The following FAM193A variants were observed in gnomAD, a reference collection of about 807,000 sequenced individuals.
FAM193A encodes family with sequence similarity 193 member A, also known as protein FAM193A.
FAM193A carries 22 observed loss-of-function variants against 126.5 expected under a neutral mutation model. That is an observed-to-expected ratio of 0.17 (90% CI 0.12 to 0.25). FAM193A has a LOEUF of 0.25. FAM193A is among the 10% of genes least tolerant of loss of function. The pLI is 1.00. For synonymous variants in FAM193A, 761 were observed against 646.8 expected (o/e 1.18, Z -2.68); for missense variants, 1,675 against 1,672.8 (o/e 1.00, Z -0.02).
intron 20 of FAM193A, chr4:2,719,956 ATT>A (rs758113607): frequency 4.8e-5 from 14 of 290,822 alleles, no homozygotes; most frequent in Admixed American, 1.2e-4. Flanking sequence ...TGCCTGGCTA[ATT>A]TTTTTTTTCT....
At chr4:2,647,696 CT>C (rs1745290238) in intron 7 of FAM193A, among the ~76,000 whole-genome samples, 1 of 152,244 alleles carries the variant, frequency 6.6e-6, no homozygotes, top group Non-Finnish European at 1.5e-5. Context: ...CTTCCCACCC[CT>C]GGCCTGCCTG....
chr4:2,611,967 G>A (rs899960476), intron 2 of FAM193A, among the ~76,000 whole-genome samples: 3 of 151,294 alleles, frequency 2.0e-5, no homozygotes, highest in Non-Finnish European at 2.9e-5. Context: ...CTCCCAAGTA[G>A]CTGGGACTAC....
Position 2,596,294 on chromosome 4 carries a change from AAGG to A in FAM193A, c.472_474del (p.Glu158del), listed in dbSNP as rs1454031237. 1.4e-6 allele frequency: 1 copy of A among 702,880 alleles called. No homozygotes were observed. The highest frequency in any genetic ancestry group is 2.3e-4 in the Middle Eastern group (1 of 4,264). The allele number at this position is 702,880 out of a possible 1,614,324, so 43.5% of individuals were successfully genotyped here. On this transcript the variant is annotated inframe_deletion, in exon 2 of 21. Coordinates refer to ENST00000637812, the MANE Select transcript of FAM193A (RefSeq NM_001366318.2). ...CCCGGACTGCCGCAGGACCGTGGAGAAGGAGGAGAGGCATGGCGGCCTTGACCA... is the reference window on the plus strand; with the variant it reads ...CCCGGACTGCCGCAGGACCGTGGAGAAGGAGAGGCATGGCGGCCTTGACCA...
intron 8 of FAM193A, 107 bp from the exon 9 acceptor site, chr4:2,659,451 A>C: frequency 1.3e-6 from 1 of 764,014 alleles, no homozygotes; most frequent in Non-Finnish European, 2.2e-6. Flanking sequence ...CCGCTGAGGA[A>C]GCAGTGCCCG....
intron 7 of FAM193A, among the ~76,000 whole-genome samples, chr4:2,648,417 G>C (rs1038261560): frequency 6.6e-6 from 1 of 152,204 alleles, no homozygotes; most frequent in Non-Finnish European, 1.5e-5. Flanking sequence ...CCTCATGGTG[G>C]GGCCTGAGAG....
chr4:2,603,193 C>T (rs1255984773), intron 2 of FAM193A, among the ~76,000 whole-genome samples: 7 of 149,778 alleles, frequency 4.7e-5, no homozygotes, highest in Non-Finnish European at 1.5e-5. Context: ...CGGGGTTTCA[C>T]CGTGTTAGCC....
intron 12 of FAM193A, among the ~76,000 whole-genome samples, chr4:2,671,842 A>T (rs1713832171): frequency 6.6e-6 from 1 of 152,202 alleles, no homozygotes; most frequent in Non-Finnish European, 1.5e-5. Flanking sequence ...ATGTGGGAAG[A>T]GAGATTTTCT....
At chr4:2,690,480 G>A (rs919559546) in intron 14 of FAM193A, among the ~76,000 whole-genome samples, 27 of 152,220 alleles carry the variant, frequency 1.8e-4, no homozygotes, top group African/African-American at 6.0e-4. Flanking sequence ...AAGACTTTAC[G>A]TAACTTTGGA....
At chr4:2,705,240 C>G (rs772565931) in intron 19 of FAM193A, among the ~76,000 whole-genome samples, 2 of 152,128 alleles carry the variant, frequency 1.3e-5, no homozygotes, top group African/African-American at 4.8e-5. Context: ...GGGACATTAG[C>G]CTTTTACTCA....
intron 13 of FAM193A, among the ~76,000 whole-genome samples, chr4:2,675,142 G>A (rs1420397646): frequency 6.6e-6 from 1 of 152,066 alleles, no homozygotes; most frequent in Non-Finnish European, 1.5e-5. Context: ...GTTTATTAAG[G>A]TATGTTTTAT....
At chr4:2,649,393 C>T (rs1485807769) in intron 7 of FAM193A, among the ~76,000 whole-genome samples, 1 of 144,124 alleles carries the variant, frequency 6.9e-6, no homozygotes, top group African/African-American at 2.6e-5. Context: ...AAAAAAAAAG[C>T]CAGGCTTAGT....
chr4:2,578,199 T>G, intron 1 of FAM193A, among the ~76,000 whole-genome samples: 1 of 152,192 alleles, frequency 6.6e-6, no homozygotes, highest in Non-Finnish European at 1.5e-5. Context: ...CTTGAGTAGC[T>G]GAGACCACAG....
chr4:2,695,768 A>G (rs1716962747), intron 17 of FAM193A, among the ~76,000 whole-genome samples: 1 of 152,212 alleles, frequency 6.6e-6, no homozygotes, highest in Non-Finnish European at 1.5e-5. Context: ...TATTCACACC[A>G]TGTTAAATAA....
At chr4:2,707,713 AT>A (rs752751839) in intron 19 of FAM193A, among the ~76,000 whole-genome samples, 1,569 of 130,762 alleles carry the variant, frequency 0.012, 23 homozygotes, top group African/African-American at 0.037. Flanking sequence ...TATATTTCTT[AT>A]TTTTTTTTTT....
chr4:2,699,840 C>T lies in FAM193A; in HGVS notation c.3668C>T (p.Ala1223Val). ...CTTCAGGAGCTTCAGAAGCTAAGAG[C>T]TGTAAAAAAGAAGAAGAAGGAGAGG... ...QRLQELQKLRAVKKKKKERPS... is the reference protein window; with the variant it reads ...QRLQELQKLRVVKKKKKERPS... The change falls in exon 19 of 21, where the codon GCT (alanine) becomes GTT (valine). Residue 1223 changes from alanine (A) to valine (V), a missense_variant. Physicochemically the swap from Ala to Val is moderately conservative, Grantham distance 64 (BLOSUM62 0). Transcript: ENST00000637812. The T allele has an allele frequency of 6.2e-7, 1 of 1,613,806 alleles. No homozygotes were observed. Among genetic ancestry groups the T allele is most frequent in the Non-Finnish European group, 8.5e-7 (1 of 1,179,900 alleles).
At chr4:2,692,686 A>G (rs1321138602) in intron 15 of FAM193A, among the ~76,000 whole-genome samples, 1 of 152,238 alleles carries the variant, frequency 6.6e-6, no homozygotes, top group Non-Finnish European at 1.5e-5. Flanking sequence ...AGTCTTGTGA[A>G]AAGAGAAAAG....
intron 15 of FAM193A, 28 bp downstream of exon 15, chr4:2,690,998 G>C (rs896964186): frequency 6.3e-7 from 1 of 1,586,526 alleles, no homozygotes; most frequent in Admixed American, 1.8e-5. Flanking sequence ...ACTGGCCCTC[G>C]GGGTCTGCAG....
intron 10 of FAM193A, among the ~76,000 whole-genome samples, chr4:2,661,467 T>G (rs1173232426): frequency 6.6e-6 from 1 of 152,140 alleles, no homozygotes; most frequent in Non-Finnish European, 1.5e-5. Context: ...GAACCTCAGT[T>G]TTCTCATCTG....
At chr4:2,643,120 A>G (rs527767265) in intron 6 of FAM193A, among the ~76,000 whole-genome samples, 1 of 152,248 alleles carries the variant, frequency 6.6e-6, no homozygotes, top group South Asian at 2.1e-4. Flanking sequence ...ACAGACAGGG[A>G]CAGAATGAGG....
Sources: gnomAD v4.1 joint callset for allele counts (sites outside exome capture counted in the v4.1 genomes callset) on GRCh38, gnomAD v4.1.1 for gene constraint, MANE v1.5 for transcripts, NCBI Gene and HGNC (gene_info 2026-07-23, HGNC 2026-07-21) for gene names.